Variants in COL28A1 observed in about 807,000 individuals in gnomAD.
The protein encoded by COL28A1 is collagen alpha-1(XXVIII) chain.
A neutral mutation model predicts 150.2 loss-of-function variants in COL28A1; 161 were observed. That is an observed-to-expected ratio of 1.07 (90% CI 0.94 to 1.22). The LOEUF (loss-of-function observed/expected upper bound fraction) is 1.22. Ranked by LOEUF, COL28A1 falls within the 50% of genes most tolerant of loss-of-function variation. The pLI is 0.00. For missense variants in COL28A1, 1,617 were observed against 1,388.3 expected, an observed-to-expected ratio of 1.16 and a Z score of -2.62; for synonymous variants, 552 against 469.7, an observed-to-expected ratio of 1.18 and a Z score of -2.26.
chr7:7,439,379 CCTTTGA>C (rs1156323802), intron 21 of COL28A1, among the ~76,000 whole-genome samples: 1 of 152,070 alleles, frequency 6.6e-6, no homozygotes, highest in East Asian at 1.9e-4. Flanking sequence ...CCCATCCAAG[CCTTTGA>C]CAAAGGAACA....
rs573750977 is a variant in COL28A1 at position 7,423,749 on chromosome 7, G to C, written c.1999-3796C>G. On this transcript the variant is annotated intron_variant, in intron 25 of 34. Transcript: ENST00000399429. ...ACACATGGGAAAGCAAGCGGGAAAA[G>C]CAGTTAAAATAGGTCCATAGTTTAC... 6.0e-4 allele frequency among the ~76,000 whole-genome samples: 92 copies of C among 152,264 alleles called. 3 individuals carry two copies. In the South Asian group the frequency reaches 7.9e-3, roughly 13 times the overall value.
At chr7:7,526,224 G>A (rs917592149) in intron 3 of COL28A1, among the ~76,000 whole-genome samples, 1 of 152,178 alleles carries the variant, frequency 6.6e-6, no homozygotes, top group African/African-American at 2.4e-5. Context: ...GGAAATTCTT[G>A]CACTTGCACA....
intron 15 of COL28A1, among the ~76,000 whole-genome samples, chr7:7,461,619 C>A (rs556523563): frequency 1.3e-5 from 2 of 152,222 alleles, no homozygotes; most frequent in Middle Eastern, 3.4e-3. Flanking sequence ...TGGCTTTCCC[C>A]CACTTCCCTG....
At chr7:7,484,537 G>C (rs564009550) in intron 13 of COL28A1, among the ~76,000 whole-genome samples, 1 of 151,820 alleles carries the variant, frequency 6.6e-6, no homozygotes, top group South Asian at 2.1e-4. Context: ...ACTTAAAAAA[G>C]TTCAAAAATA....
At chr7:7,471,246 C>G (rs557192703) in intron 15 of COL28A1, among the ~76,000 whole-genome samples, 1 of 149,074 alleles carries the variant, frequency 6.7e-6, no homozygotes, top group Non-Finnish European at 1.5e-5. Context: ...AAATTACCAA[C>G]AAAAAATGTC....
intron 26 of COL28A1, among the ~76,000 whole-genome samples, chr7:7,419,029 C>T (rs778134290): frequency 3.3e-5 from 5 of 152,156 alleles, no homozygotes; most frequent in East Asian, 1.9e-4. Flanking sequence ...TGTGCATTTT[C>T]GGCATGAATA....
intron 15 of COL28A1, among the ~76,000 whole-genome samples, chr7:7,474,017 TTA>T (rs1163678457): frequency 2.0e-5 from 3 of 147,802 alleles, no homozygotes; most frequent in African/African-American, 7.4e-5. Flanking sequence ...TAGTGTGTTT[TTA>T]TATATATGAT....
intron 27 of COL28A1, among the ~76,000 whole-genome samples, chr7:7,402,487 A>C (rs1783261377): frequency 6.6e-6 from 1 of 152,070 alleles, no homozygotes; most frequent in South Asian, 2.1e-4. Context: ...TGCATGTAGT[A>C]ATTGTATCAT....
intron 33 of COL28A1, among the ~76,000 whole-genome samples, chr7:7,360,959 G>A (rs79690987): frequency 0.075 from 11,376 of 152,120 alleles, 521 homozygotes; most frequent in Middle Eastern, 0.17. Flanking sequence ...AACACTAGAC[G>A]TCTTAACAAT....
chr7:7,353,751 G>C (rs1050301290), downstream of COL28A1, among the ~76,000 whole-genome samples: 1 of 152,112 alleles, frequency 6.6e-6, no homozygotes, highest in African/African-American at 2.4e-5. Flanking sequence ...TTCCATATCA[G>C]TTTTCTATGT....
chr7:7,361,944 A>G (rs1432405130), intron 33 of COL28A1, among the ~76,000 whole-genome samples: 1 of 152,110 alleles, frequency 6.6e-6, no homozygotes, highest in Non-Finnish European at 1.5e-5. Context: ...AAAACCAAAC[A>G]CCACATGTTC....
At chr7:7,412,593 A>G (rs1169096279) in intron 27 of COL28A1, among the ~76,000 whole-genome samples, 1 of 152,150 alleles carries the variant, frequency 6.6e-6, no homozygotes, top group African/African-American at 2.4e-5. Context: ...ATAACCATGT[A>G]TTACATGCAT....
intron 13 of COL28A1, among the ~76,000 whole-genome samples, chr7:7,481,881 T>G (rs565129595): frequency 6.8e-6 from 1 of 147,058 alleles, no homozygotes; most frequent in East Asian, 2.1e-4. Context: ...CCTTTCAGGG[T>G]TTTTTTTTTA....
chr7:7,496,281 G>T (rs79763029), intron 11 of COL28A1, among the ~76,000 whole-genome samples: 2,573 of 152,246 alleles, frequency 0.017, 94 homozygotes, highest in African/African-American at 0.059. Context: ...CATTCTCAGT[G>T]TTTAGCTCAT....
intron 1 of COL28A1, among the ~76,000 whole-genome samples, chr7:7,533,274 T>A (rs760962611): frequency 1.3e-5 from 2 of 152,156 alleles, no homozygotes; most frequent in South Asian, 4.1e-4. Flanking sequence ...ATTTCCAAAT[T>A]CTTCAGGGGG....
chr7:7,486,248 T>A (rs1284893681), intron 13 of COL28A1, among the ~76,000 whole-genome samples: 4 of 152,218 alleles, frequency 2.6e-5, no homozygotes, highest in Non-Finnish European at 5.9e-5. Context: ...TATGTGTTCA[T>A]TACTAGTATA....
intron 27 of COL28A1, among the ~76,000 whole-genome samples, chr7:7,401,840 T>C (rs1198939683): frequency 6.6e-6 from 1 of 152,198 alleles, no homozygotes; most frequent in South Asian, 2.1e-4. Flanking sequence ...TATATCACAA[T>C]GCTCACTGCA....
chr7:7,361,096 C>A (rs1452560005), intron 33 of COL28A1, among the ~76,000 whole-genome samples: 2 of 68,102 alleles, frequency 2.9e-5, no homozygotes, highest in African/African-American at 9.6e-5. Flanking sequence ...CAAATCTCAG[C>A]TGCAGACACC....
intron 11 of COL28A1, among the ~76,000 whole-genome samples, chr7:7,493,026 A>C (rs181738569): frequency 1.8e-4 from 27 of 147,322 alleles, no homozygotes; most frequent in African/African-American, 6.2e-4. Context: ...GGTATATATA[A>C]TGTTATATAA....
Sources: allele counts gnomAD v4.1 joint callset (sites outside exome capture counted in the v4.1 genomes callset), GRCh38; gene constraint gnomAD v4.1.1; transcripts MANE v1.5; gene names NCBI Gene and HGNC (gene_info 2026-07-23, HGNC 2026-07-21).